EEFSEC: variants seen among roughly 807,000 people sequenced by gnomAD.
EEFSEC encodes the protein eukaryotic elongation factor, selenocysteine-tRNA specific, also known as selenocysteine-specific elongation factor.
In EEFSEC, 43 loss-of-function variants were observed where a neutral mutation model predicts 42.1. The ratio of observed to expected loss-of-function variants is 1.02; its 90% CI spans 0.80 to 1.32. EEFSEC has a LOEUF of 1.32. Ranked by LOEUF, EEFSEC falls within the 40% of genes most tolerant of loss-of-function variation. The pLI, the probability that EEFSEC is intolerant of heterozygous loss-of-function variation, is 0.00. For missense variants in EEFSEC, 745 were observed against 803.6 expected (o/e 0.93, Z 0.88); for synonymous variants, 354 against 339.1 (o/e 1.04, Z -0.48).
intron 1 of EEFSEC, among the ~76,000 whole-genome samples, chr3:128,170,406 A>G (rs768317300): frequency 4.1e-5 from 6 of 145,030 alleles, no homozygotes; most frequent in Non-Finnish European, 7.6e-5. Context: ...TACTAAAACT[A>G]CAAAAATTAG....
chr3:128,359,082 G>A (rs914585747), intron 6 of EEFSEC, among the ~76,000 whole-genome samples: 13 of 152,182 alleles, frequency 8.5e-5, no homozygotes, highest in African/African-American at 2.7e-4. Flanking sequence ...TAGGCACCAC[G>A]TAGAAAGATA....
At chr3:128,404,155 A>G (rs1163456397) in intron 6 of EEFSEC, among the ~76,000 whole-genome samples, 2 of 149,838 alleles carry the variant, frequency 1.3e-5, no homozygotes, top group East Asian at 1.9e-4. Context: ...CTAAGAAAGG[A>G]AAAAAAAGGC....
chr3:128,255,327 G>A (rs999484509), intron 2 of EEFSEC, among the ~76,000 whole-genome samples: 4 of 152,208 alleles, frequency 2.6e-5, no homozygotes, highest in Admixed American at 1.3e-4. Context: ...GAGGAGGGAA[G>A]GATGCCACTG....
intron 6 of EEFSEC, among the ~76,000 whole-genome samples, chr3:128,404,304 C>T (rs1266020154): frequency 6.6e-6 from 1 of 152,238 alleles, no homozygotes; most frequent in East Asian, 1.9e-4. Context: ...CGAGCCTGAC[C>T]ATCTCAGGAG....
In EEFSEC at chr3:128,381,229, G is replaced by A. The variant is rs2067772555; in HGVS notation, c.1600+22856G>A. ...ACACCCTTGGGTTTGAATGGACCATGGGTTAAGTGCCACCAGGCAGTTGGT... is the reference window on the plus strand; with the variant it reads ...ACACCCTTGGGTTTGAATGGACCATAGGTTAAGTGCCACCAGGCAGTTGGT... On this transcript the variant is annotated intron_variant, in intron 6 of 6. Transcript: ENST00000254730. Among the ~76,000 whole-genome samples the A allele has an allele frequency of 2.0e-5, 3 of 152,330 alleles. No individual in the cohort carries two copies. The South Asian group carries it at 6.2e-4, about 32-fold the overall frequency.
downstream of EEFSEC, among the ~76,000 whole-genome samples, chr3:128,410,075 G>A (rs1326722812): frequency 6.6e-6 from 1 of 151,142 alleles, no homozygotes; most frequent in Admixed American, 6.5e-5. Context: ...TCAGTCCCTG[G>A]GGGCAGGAGA....
intron 1 of EEFSEC, among the ~76,000 whole-genome samples, chr3:128,213,345 G>A (rs2065778677): frequency 6.6e-6 from 1 of 152,234 alleles, no homozygotes; most frequent in Non-Finnish European, 1.5e-5. Flanking sequence ...TCCTTGGCAT[G>A]TAGTTGGCGT....
intron 6 of EEFSEC, among the ~76,000 whole-genome samples, chr3:128,361,522 T>C (rs561254932): frequency 6.6e-6 from 1 of 152,294 alleles, no homozygotes; most frequent in South Asian, 2.1e-4. Flanking sequence ...GGCCCTCAGG[T>C]TCACGAGGTG....
chr3:128,378,112 C>G (rs1375226226), intron 6 of EEFSEC, among the ~76,000 whole-genome samples: 2 of 152,190 alleles, frequency 1.3e-5, no homozygotes, highest in African/African-American at 4.8e-5. Flanking sequence ...GACTAGAGTA[C>G]CTCTTGGATT....
intron 5 of EEFSEC, among the ~76,000 whole-genome samples, chr3:128,353,301 A>C (rs1018541466): frequency 2.0e-5 from 3 of 152,202 alleles, no homozygotes; most frequent in African/African-American, 7.2e-5. Context: ...CCCTATAACC[A>C]TAGGTGGGGA....
chr3:128,309,164 G>C (rs2066863648), intron 4 of EEFSEC, among the ~76,000 whole-genome samples: 1 of 152,180 alleles, frequency 6.6e-6, no homozygotes, highest in Non-Finnish European at 1.5e-5. Flanking sequence ...GTGTAGTCCT[G>C]GCACATGGCT....
intron 4 of EEFSEC, among the ~76,000 whole-genome samples, chr3:128,327,186 G>A (rs1450892369): frequency 6.6e-6 from 1 of 151,850 alleles, no homozygotes; most frequent in Non-Finnish European, 1.5e-5. Context: ...ATTATTCCCT[G>A]TGCTGCACTG....
At chr3:128,411,879 G>A (rs762201271), downstream of EEFSEC, among the ~76,000 whole-genome samples, 88 of 152,222 alleles carry the variant, frequency 5.8e-4, no homozygotes, top group Admixed American at 3.7e-3. Context: ...GTGCATGTGC[G>A]CACACGGGCT....
chr3:128,352,494 A>G (rs181796892), intron 5 of EEFSEC, among the ~76,000 whole-genome samples: 12 of 152,320 alleles, frequency 7.9e-5, no homozygotes, highest in Non-Finnish European at 1.3e-4. Flanking sequence ...CTGTGCTGAG[A>G]GACAGGCACA....
chr3:128,255,564 C>T (rs896546605), intron 2 of EEFSEC, among the ~76,000 whole-genome samples: 2 of 152,188 alleles, frequency 1.3e-5, no homozygotes, highest in Non-Finnish European at 2.9e-5. Flanking sequence ...ATTCATTGTG[C>T]ACGTTCCGTG....
intron 1 of EEFSEC, among the ~76,000 whole-genome samples, chr3:128,213,711 A>G (rs2065782079): frequency 6.6e-6 from 1 of 151,856 alleles, no homozygotes; most frequent in Non-Finnish European, 1.5e-5. Context: ...TTTTAAACTC[A>G]CATACTTACT....
At chr3:128,260,880 G>C (rs190553179) in intron 2 of EEFSEC, among the ~76,000 whole-genome samples, 155 of 151,654 alleles carry the variant, frequency 1.0e-3, no homozygotes, top group African/African-American at 3.5e-3. Context: ...GGGCTTTTCA[G>C]ATGTCCTTGC....
chr3:128,156,854 A>C (rs1265657290), intron 1 of EEFSEC, among the ~76,000 whole-genome samples: 1 of 152,210 alleles, frequency 6.6e-6, no homozygotes, highest in Non-Finnish European at 1.5e-5. Flanking sequence ...AAATTCATCC[A>C]GCTAATAGCC....
intron 4 of EEFSEC, among the ~76,000 whole-genome samples, chr3:128,281,650 G>A (rs2066526895): frequency 6.6e-6 from 1 of 152,082 alleles, no homozygotes; most frequent in African/African-American, 2.4e-5. Context: ...TGTCTTCCTG[G>A]ATGGACCAGG....
Sources: allele counts gnomAD v4.1 joint callset (sites outside exome capture counted in the v4.1 genomes callset), GRCh38; gene constraint gnomAD v4.1.1; transcripts MANE v1.5; gene names NCBI Gene and HGNC (gene_info 2026-07-23, HGNC 2026-07-21).